Variants in CLSTN2 observed in about 807,000 individuals in gnomAD.
CLSTN2 encodes the protein calsyntenin 2, also known as calsyntenin-2.
CLSTN2 carries 48 observed loss-of-function variants against 101.2 expected under a neutral mutation model. The observed-to-expected ratio is 0.47, with a 90% CI of 0.38 to 0.60. The LOEUF (loss-of-function observed/expected upper bound fraction) is 0.60, where lower values mean the gene tolerates loss of function less well. Ranked by LOEUF, CLSTN2 falls within the 20% of genes least tolerant of loss-of-function variation. The pLI, the probability that CLSTN2 is intolerant of heterozygous loss-of-function variation, is 0.00. For missense variants in CLSTN2, 1,160 were observed against 1,238.2 expected (o/e 0.94, Z 0.95); for synonymous variants, 481 against 463.6 (o/e 1.04, Z -0.48).
intron 1 of CLSTN2, among the ~76,000 whole-genome samples, chr3:139,946,164 G>A (rs1935211785): frequency 6.6e-6 from 1 of 152,152 alleles, no homozygotes; most frequent in African/African-American, 2.4e-5. Context: ...TATGATTTAT[G>A]ATTTCCTCTG....
intron 1 of CLSTN2, among the ~76,000 whole-genome samples, chr3:139,944,754 C>T (rs976362681): frequency 3.3e-4 from 50 of 152,232 alleles, no homozygotes; most frequent in Admixed American, 3.3e-4. Flanking sequence ...TACCTTCTCC[C>T]GTCAGCACTG....
At chr3:140,256,808 T>C (rs547490751) in intron 2 of CLSTN2, among the ~76,000 whole-genome samples, 29 of 152,360 alleles carry the variant, frequency 1.9e-4, no homozygotes, top group African/African-American at 6.0e-4. Flanking sequence ...TCAGGACCAT[T>C]GCATAACGTT....
intron 2 of CLSTN2, among the ~76,000 whole-genome samples, chr3:140,295,391 C>T (rs998722098): frequency 2.0e-5 from 3 of 152,150 alleles, no homozygotes; most frequent in African/African-American, 7.2e-5. Context: ...ACCTTTCAAT[C>T]TGTTTGTCAT....
At chr3:140,168,699 TA>T (rs1290603061) in intron 1 of CLSTN2, among the ~76,000 whole-genome samples, 1 of 152,112 alleles carries the variant, frequency 6.6e-6, no homozygotes, top group Non-Finnish European at 1.5e-5. Flanking sequence ...AACTGGAGTT[TA>T]TTTTTTTGGC....
At chr3:140,483,917 A>G (rs1440625834) in intron 8 of CLSTN2, among the ~76,000 whole-genome samples, 5 of 152,058 alleles carry the variant, frequency 3.3e-5, no homozygotes, top group African/African-American at 9.7e-5. Flanking sequence ...TCTTTATCCA[A>G]TTTGCCAGTC....
chr3:140,562,235 G>C lies in CLSTN2; in HGVS notation c.2139G>C (p.Leu713Phe), dbSNP rs200705353. The C allele has an allele frequency of 6.2e-7, 1 of 1,613,908 alleles. No individual in the cohort carries two copies. Among genetic ancestry groups the C allele is most frequent in the African/African-American group, 1.3e-5 (1 of 74,892 alleles). The part of the protein sequence containing the change: ...GGDLDPRQEC[L>F]ELNHSELHQR... ...ACTTGGACCCAAGGCAGGAGTGCTT[G>C]GAGCTCAACCACAGTGAGCTCCACC... The change falls in exon 13 of 17, where the codon TTG becomes TTC. Residue 713 changes from leucine to phenylalanine, a missense_variant. Leu to Phe is a conservative substitution (Grantham distance 22). Transcript: ENST00000458420.
chr3:140,066,658 G>A (rs1210647039), intron 1 of CLSTN2, among the ~76,000 whole-genome samples: 1 of 152,186 alleles, frequency 6.6e-6, no homozygotes, highest in Non-Finnish European at 1.5e-5. Context: ...TACCTTGGGT[G>A]GGGGAACTCT....
intron 5 of CLSTN2, among the ~76,000 whole-genome samples, chr3:140,447,574 A>AT (rs201209162): frequency 0.011 from 1,731 of 152,180 alleles, 31 homozygotes; most frequent in African/African-American, 0.039. Flanking sequence ...TTTCCACATT[A>AT]TTTTTTCACT....
chr3:140,486,443 G>T (rs1430151757), intron 8 of CLSTN2, among the ~76,000 whole-genome samples: 3 of 152,178 alleles, frequency 2.0e-5, no homozygotes, highest in African/African-American at 7.2e-5. Flanking sequence ...AACAAAAAAA[G>T]GATGGAGGTG....
chr3:140,156,518 A>G (rs1438499374), intron 1 of CLSTN2, among the ~76,000 whole-genome samples: 1 of 152,230 alleles, frequency 6.6e-6, no homozygotes, highest in Admixed American at 6.5e-5. Flanking sequence ...AGTTTCTCAC[A>G]GACTGCAACT....
intron 8 of CLSTN2, among the ~76,000 whole-genome samples, chr3:140,500,461 A>G (rs1934555253): frequency 6.6e-6 from 1 of 152,242 alleles, no homozygotes; most frequent in African/African-American, 2.4e-5. Flanking sequence ...TTCTACAGTC[A>G]TGAATGTAAA....
At chr3:140,078,139 C>T (rs1467357581) in intron 1 of CLSTN2, among the ~76,000 whole-genome samples, 2 of 152,178 alleles carry the variant, frequency 1.3e-5, no homozygotes, top group South Asian at 2.1e-4. Flanking sequence ...CCTGTGGACT[C>T]ACAGGACACC....
intron 2 of CLSTN2, among the ~76,000 whole-genome samples, chr3:140,374,093 A>G (rs905686761): frequency 7.9e-5 from 12 of 152,178 alleles, no homozygotes; most frequent in African/African-American, 2.7e-4. Context: ...CTCCTACAGC[A>G]TGGCATCCTT....
At chr3:140,468,889 A>G (rs1933770885) in intron 8 of CLSTN2, among the ~76,000 whole-genome samples, 1 of 152,214 alleles carries the variant, frequency 6.6e-6, no homozygotes, top group Non-Finnish European at 1.5e-5. Flanking sequence ...ATTCTTTGTC[A>G]GCTCAGGCTG....
At chr3:140,495,908 G>C (rs1370070256) in intron 8 of CLSTN2, among the ~76,000 whole-genome samples, 3 of 152,122 alleles carry the variant, frequency 2.0e-5, no homozygotes, top group Non-Finnish European at 4.4e-5. Flanking sequence ...GATGCCTCCA[G>C]CTTTATTCTT....
intron 1 of CLSTN2, among the ~76,000 whole-genome samples, chr3:139,997,784 G>C (rs1210579904): frequency 3.9e-5 from 6 of 152,058 alleles, no homozygotes; most frequent in Non-Finnish European, 8.8e-5. Flanking sequence ...TACATTTAGA[G>C]TCAATTTGTA....
chr3:140,112,771 C>G (rs980292009), intron 1 of CLSTN2, among the ~76,000 whole-genome samples: 19 of 152,066 alleles, frequency 1.2e-4, no homozygotes, highest in African/African-American at 4.6e-4. Flanking sequence ...TCTGCCCTTT[C>G]GAGCTCTAGG....
chr3:140,206,545 G>GACACGTGAA (rs747822023), intron 2 of CLSTN2, among the ~76,000 whole-genome samples: 1 of 152,148 alleles, frequency 6.6e-6, no homozygotes, highest in Non-Finnish European at 1.5e-5. Flanking sequence ...GAGGACACCT[G>GACACGTGAA]ACACGTGAAA....
At chr3:140,251,251 C>A (rs2086561223) in intron 2 of CLSTN2, among the ~76,000 whole-genome samples, 2 of 152,128 alleles carry the variant, frequency 1.3e-5, no homozygotes, top group South Asian at 4.1e-4. Flanking sequence ...TTTGGCATCT[C>A]TTCTGTGGCA....
Sources: allele counts gnomAD v4.1 joint callset (sites outside exome capture counted in the v4.1 genomes callset), GRCh38; gene constraint gnomAD v4.1.1; transcripts MANE v1.5; gene names NCBI Gene and HGNC (gene_info 2026-07-23, HGNC 2026-07-21).